Variants in AK2 observed in about 807,000 individuals in gnomAD.
The protein encoded by AK2 is adenylate kinase 2, mitochondrial.
Under a neutral mutation model 24.6 loss-of-function variants are expected in AK2, and 15 were observed. The observed-to-expected ratio is 0.61, with a 90% confidence interval of 0.41 to 0.94. The LOEUF (loss-of-function observed/expected upper bound fraction) is 0.94, where lower values mean the gene tolerates loss of function less well. Ranked by LOEUF, AK2 falls within the 40% of genes least tolerant of loss-of-function variation. The probability of loss-of-function intolerance (pLI) is 0.00; values close to 1 mark genes in which losing one functional copy is unlikely to be tolerated. For missense variants in AK2, 257 were observed against 304.1 expected, an observed-to-expected ratio of 0.85 and a Z score of 1.15; for synonymous variants, 102 against 114.0, an observed-to-expected ratio of 0.90 and a Z score of 0.67.
At position 33,011,569 on chromosome 1, in the gene AK2, C is replaced by T; in HGVS notation, c.*1612G>A. 7.8e-7 allele frequency: 1 copy of T among 1,287,736 alleles called. No homozygotes were observed. Among genetic ancestry groups the T allele is most frequent in the South Asian group, 1.2e-5 (1 of 80,940 alleles). 79.8% of individuals were successfully genotyped at this position (1,287,736 alleles called of 1,614,324 possible). On this transcript the variant is annotated 3_prime_UTR_variant, in exon 6 of 6. Coordinates refer to ENST00000672715, the MANE Select transcript of AK2 (RefSeq NM_001625.4). ...GGAGAGCTCAGGTCAGGAGGCTGGG[C>T]ACTTTAGAGTCCACTGAATCGAGTC...
intron 1 of AK2, among the ~76,000 whole-genome samples, chr1:33,033,221 G>A (rs1263353728): frequency 6.6e-6 from 1 of 151,432 alleles, no homozygotes; most frequent in African/African-American, 2.4e-5. Context: ...AGGAAAAAAA[G>A]AGAAGGGGAA....
chr1:33,021,276 T>C (rs1164543055), intron 4 of AK2, 91 bp downstream of exon 4: 2 of 1,143,140 alleles, frequency 1.7e-6, no homozygotes, highest in Admixed American at 1.7e-5. Flanking sequence ...GAAATGGCAC[T>C]AAGCTTCATG....
chr1:33,026,579 C>T (rs1296010739), intron 1 of AK2, among the ~76,000 whole-genome samples: 1 of 151,986 alleles, frequency 6.6e-6, no homozygotes, highest in Non-Finnish European at 1.5e-5. Flanking sequence ...GAGGCCAAGG[C>T]GGGTGGATCA....
At chr1:33,022,351 CTTTTTTTTTTTTTTTTT>C (rs397862465) in intron 2 of AK2, among the ~76,000 whole-genome samples, 1 of 112,370 alleles carries the variant, frequency 8.9e-6, no homozygotes, top group Non-Finnish European at 1.8e-5. Flanking sequence ...TCTTCCCTCA[CTTTTTTTTTTTTTTTTT>C]TTTTTTTGAG....
In AK2 at chr1:33,008,796, C is replaced by A. The variant is rs779553535; in HGVS notation, c.*4385G>T. 2.2e-6 allele frequency: 1 copy of A among 454,064 alleles called. No individual in the cohort carries two copies. The highest frequency in any genetic ancestry group is 2.0e-5 in the African/African-American group (1 of 50,100). 28.1% of individuals were successfully genotyped at this position (454,064 alleles called of 1,614,324 possible). ...TAATACCTGGCACAACGTCAGTCTT[C>A]CGGGAGTGGTAGGACTAGTCTGCAT... is the stretch of plus-strand genomic sequence containing the variant. On this transcript the variant is annotated 3_prime_UTR_variant, in exon 6 of 6. Transcript: ENST00000672715.
Position 33,010,330 on chromosome 1 carries a change from C to G in AK2, c.*2851G>C. On this transcript the variant is annotated 3_prime_UTR_variant, in exon 6 of 6. Coordinates refer to ENST00000672715, the MANE Select transcript of AK2 (RefSeq NM_001625.4). Reference sequence around the variant, plus strand: ...ATCCCTATGAATACACCTTACATCTCTTTCAAATGTGGAGATGGTTTTTTG... The same window carrying G: ...ATCCCTATGAATACACCTTACATCTGTTTCAAATGTGGAGATGGTTTTTTG... The G allele has an allele frequency of 6.5e-6, 3 of 458,412 alleles. No individual in the cohort carries two copies. The highest frequency in any genetic ancestry group is 1.3e-5 in the Non-Finnish European group (3 of 229,858). The allele number at this position is 458,412 out of a possible 1,614,324, so 28.4% of individuals were successfully genotyped here.
Position 33,013,191 on chromosome 1 carries a change from A to G in AK2, c.710T>C (p.Met237Thr), listed in dbSNP as rs752903099. ...TTCTTGGACCCAACATTAGATAAAC[A>G]TAACCAAGTCTTTACATGTGGCTTT... ...FSKATCKDLV[M>T]FI Residue 237 changes from methionine (M) to threonine (T), a missense_variant, in exon 6 of 6, where the codon ATG (methionine) becomes ACG (threonine). Met to Thr is a moderately conservative substitution (Grantham distance 81). Transcript: ENST00000672715. 4.3e-6 allele frequency: 7 copies of G among 1,614,198 alleles called. No homozygotes were observed. Among genetic ancestry groups the G allele is most frequent in the Admixed American group, 3.3e-5 (2 of 60,026 alleles).
chr1:33,008,797 C>T lies in AK2; in HGVS notation c.*4384G>A, dbSNP rs763891615. The T allele has an allele frequency of 2.9e-5, 13 of 453,918 alleles. No individual in the cohort carries two copies. The highest frequency in any genetic ancestry group is 1.2e-4 in the African/African-American group (6 of 49,962). 28.1% of individuals were successfully genotyped at this position (453,918 alleles called of 1,614,324 possible). ...AATACCTGGCACAACGTCAGTCTTCCGGGAGTGGTAGGACTAGTCTGCATT... is the reference window on the plus strand; with the variant it reads ...AATACCTGGCACAACGTCAGTCTTCTGGGAGTGGTAGGACTAGTCTGCATT... On this transcript the variant is annotated 3_prime_UTR_variant, in exon 6 of 6. Transcript: ENST00000672715.
At chr1:33,013,488 C>G (rs1638983003) in intron 5 of AK2, 86 bp from the exon 6 acceptor site, 1 of 1,550,600 alleles carries the variant, frequency 6.4e-7, no homozygotes, top group Non-Finnish European at 8.7e-7. Context: ...GAGATGGGAC[C>G]ATTCTGCCCA....
At chr1:33,024,877 C>T (rs1422884291) in intron 1 of AK2, among the ~76,000 whole-genome samples, 1 of 152,198 alleles carries the variant, frequency 6.6e-6, no homozygotes, top group Non-Finnish European at 1.5e-5. Flanking sequence ...ACATAAGTTT[C>T]AGTTTCCCCA....
At chr1:33,022,512 T>G in intron 2 of AK2, among the ~76,000 whole-genome samples, 1 of 152,070 alleles carries the variant, frequency 6.6e-6, no homozygotes, top group Middle Eastern at 3.4e-3. Flanking sequence ...CACACGACCA[T>G]GCCCAGCTAA....
chr1:33,023,401 T>TACA (rs71909186), intron 2 of AK2, among the ~76,000 whole-genome samples: 5,495 of 149,814 alleles, frequency 0.037, 265 homozygotes, highest in African/African-American at 0.11. Context: ...ACTCCATCTC[T>TACA]ACAACAACAA....
chr1:33,008,604 T>C lies in AK2; in HGVS notation c.*4577A>G. The C allele has an allele frequency of 2.2e-6, 1 of 454,104 alleles. No homozygotes were observed. The highest frequency in any genetic ancestry group is 1.6e-5 in the South Asian group (1 of 64,472). 28.1% of individuals were successfully genotyped at this position (454,104 alleles called of 1,614,324 possible). ...ACAAGATCAAGGGGACGGATAAGTG[T>C]TAGAGACTGTGTTTCAGTCCTGACT... On this transcript the variant is annotated 3_prime_UTR_variant, in exon 6 of 6. Coordinates refer to ENST00000672715, the MANE Select transcript of AK2 (RefSeq NM_001625.4).
At chr1:33,031,757 C>G in intron 1 of AK2, 1 of 445,012 alleles carries the variant, frequency 2.2e-6, no homozygotes, top group Non-Finnish European at 4.6e-6. Flanking sequence ...ACTGCCTAAG[C>G]GTGCCTGGCC....
rs561411919 is a variant in AK2, at chr1:33,033,020, G to A, written c.93+3716C>T. On this transcript the variant is annotated intron_variant, in intron 1 of 5. Coordinates refer to ENST00000672715, the MANE Select transcript of AK2 (RefSeq NM_001625.4). ...CTACTAAAGATACAAAAAATTAGCC[G>A]GGTGTGGTGGCAGGCACCTGTAGTC... 4.8e-4 allele frequency among the ~76,000 whole-genome samples: 73 copies of A among 152,116 alleles called. 1 individual carries two copies. The highest frequency in any genetic ancestry group is 1.7e-3 in the African/African-American group (72 of 41,512).
Position 33,014,562 on chromosome 1 carries a change from TG to T in AK2, c.457del (p.His153ThrfsTer11). 6.2e-7 allele frequency: 1 copy of T among 1,612,486 alleles called. No individual in the cohort carries two copies. The highest frequency in any genetic ancestry group is 8.5e-7 in the Non-Finnish European group (1 of 1,178,978). Reference sequence around the variant, plus strand: ...CTCTTTTGGAGGGTTGAACTCCTCGTGGTAGGAACGGCCACTCTTGGGGTGA... The same window carrying T: ...CTCTTTTGGAGGGTTGAACTCCTCGTGTAGGAACGGCCACTCTTGGGGTGA... ...LIHPKSGRSY[H>X]EEFNPPKEPM... On this transcript the variant is annotated frameshift_variant, in exon 5 of 6. Transcript: ENST00000672715. LOFTEE classifies it high-confidence loss of function.
chr1:33,022,351 C>CTTTT (rs397862465), intron 2 of AK2, among the ~76,000 whole-genome samples: 28 of 112,362 alleles, frequency 2.5e-4, no homozygotes, highest in African/African-American at 5.5e-4. Context: ...TCTTCCCTCA[C>CTTTT]TTTTTTTTTT....
chr1:33,024,013 A>T, intron 2 of AK2: 1 of 246,896 alleles, frequency 4.1e-6, no homozygotes, highest in South Asian at 4.6e-5. Flanking sequence ...TCTACTAAAA[A>T]CATAAAAATT....
chr1:33,027,991 T>C (rs763719823), intron 1 of AK2, among the ~76,000 whole-genome samples: 17 of 152,178 alleles, frequency 1.1e-4, no homozygotes, highest in Non-Finnish European at 2.2e-4. Context: ...ACAGGGTTCT[T>C]ATGAGGATAA....
Sources: gnomAD v4.1 joint callset for allele counts (sites outside exome capture counted in the v4.1 genomes callset) on GRCh38, gnomAD v4.1.1 for gene constraint, MANE v1.5 for transcripts, NCBI Gene and HGNC (gene_info 2026-07-23, HGNC 2026-07-21) for gene names.